CUX2: variants seen among roughly 807,000 people sequenced by gnomAD.
CUX2 encodes the protein cut like homeobox 2.
In CUX2, 40 loss-of-function variants were observed where a neutral mutation model predicts 144.8. The observed-to-expected ratio is 0.28, with a 90% CI of 0.21 to 0.36. CUX2 has a LOEUF of 0.36. Among genes scored for constraint, CUX2 ranks in the 10% least tolerant of loss-of-function variants. CUX2 has a pLI of 1.00. For synonymous variants in CUX2, 827 were observed against 875.6 expected, an observed-to-expected ratio of 0.94 and a Z score of 0.98; for missense variants, 1,615 against 1,994.0, an observed-to-expected ratio of 0.81 and a Z score of 3.62.
chr12:111,070,393 TTTCCTTCCTTCCTTCCTTCC>T (rs143464416), intron 1 of CUX2, among the ~76,000 whole-genome samples: 9,505 of 99,350 alleles, frequency 0.096, 552 homozygotes, highest in Middle Eastern at 0.13. Flanking sequence ...TCCTTCCTTC[TTTCCTTCCTTCCTTCCTTCC>T]TTCCTTCCTT....
Position 111,048,453 on chromosome 12 carries a change from G to A in CUX2, c.63+14213G>A, listed in dbSNP as rs115078501. Among the ~76,000 whole-genome samples the A allele has an allele frequency of 1.9e-3, 293 of 152,334 alleles. 2 individuals are homozygous for A. Among genetic ancestry groups the A allele is most frequent in the African/African-American group, 6.7e-3 (279 of 41,572 alleles). ...TGGTACCCCCAGCAAGGTGGGAGCT[G>A]TGCTTCCTTGGTAAGCGTATGGCTG... is the stretch of plus-strand genomic sequence containing the variant. On this transcript the variant is annotated intron_variant, in intron 1 of 21. Coordinates refer to ENST00000261726, the MANE Select transcript of CUX2 (RefSeq NM_015267.4).
intron 1 of CUX2, among the ~76,000 whole-genome samples, chr12:111,194,146 G>T (rs79513390): frequency 0.024 from 3,606 of 152,232 alleles, 134 homozygotes; most frequent in African/African-American, 0.081. Flanking sequence ...TCTTTGTCTT[G>T]AATCCAGCTC....
chr12:111,324,234 T>C (rs1887669310), intron 18 of CUX2, among the ~76,000 whole-genome samples: 1 of 151,404 alleles, frequency 6.6e-6, no homozygotes, highest in Non-Finnish European at 1.5e-5. Flanking sequence ...CATGTAATCT[T>C]AGCTGCTTAG....
rs771675208 is a variant in CUX2, at chr12:111,291,517, C to T, written c.401C>T (p.Ser134Leu). 6.2e-6 allele frequency: 10 copies of T among 1,611,484 alleles called. No homozygotes were observed. The highest frequency in any genetic ancestry group is 1.6e-4 in the Middle Eastern group (1 of 6,068). Residue 134 changes from serine (S) to leucine (L), a missense_variant, in exon 5 of 22, where the codon TCG (serine) becomes TTG (leucine). Physicochemically the swap from Ser to Leu is moderately radical, Grantham distance 145. Coordinates refer to ENST00000261726, the MANE Select transcript of CUX2 (RefSeq NM_015267.4). ...SGQPRRDLHT[S>L]WKRNPELLSP... ...CAGCCCCGGCGAGACCTCCACACTT[C>T]GTGGAAGAGGAACCCCGAGCTCCTC...
chr12:111,190,789 G>T lies in CUX2; in HGVS notation c.64-23411G>T, dbSNP rs749352825. ...GATCAGTGAAGATCTCTCACTGTTG[G>T]GTCTGCTGCTACCCCAAAGCTGAAT... On this transcript the variant is annotated intron_variant, in intron 1 of 21. Transcript: ENST00000261726. The surrounding 1 kb of genome is among the most constrained non-coding windows in gnomAD (Gnocchi z 4.0). Among the ~76,000 whole-genome samples the T allele has an allele frequency of 6.9e-4, 105 of 151,888 alleles. 1 individual carries two copies. Among genetic ancestry groups the T allele is most frequent in the Non-Finnish European group, 1.3e-3 (86 of 67,896 alleles).
chr12:111,123,811 C>T (rs1395201499), intron 1 of CUX2, among the ~76,000 whole-genome samples: 1 of 152,110 alleles, frequency 6.6e-6, no homozygotes, highest in Non-Finnish European at 1.5e-5. Context: ...GCTGGGATTA[C>T]AGGCGTGAGC....
intron 1 of CUX2, among the ~76,000 whole-genome samples, chr12:111,172,191 T>G (rs1156677896): frequency 6.6e-6 from 1 of 152,184 alleles, no homozygotes; most frequent in East Asian, 1.9e-4. Flanking sequence ...GCATGTGTGT[T>G]TGCCTGTTTT....
intron 1 of CUX2, among the ~76,000 whole-genome samples, chr12:111,081,121 G>T (rs1012411265): frequency 6.6e-6 from 1 of 152,132 alleles, no homozygotes; most frequent in Non-Finnish European, 1.5e-5. Flanking sequence ...CCCTCACCAT[G>T]CTGTCACCGT....
At chr12:111,043,370 G>A (rs1206550391) in intron 1 of CUX2, among the ~76,000 whole-genome samples, 3 of 152,162 alleles carry the variant, frequency 2.0e-5, no homozygotes, top group Admixed American at 6.5e-5. Context: ...AGCATTTGCA[G>A]AGACCCCGAG....
chr12:111,199,982 G>A (rs979228653), intron 1 of CUX2, among the ~76,000 whole-genome samples: 4 of 152,118 alleles, frequency 2.6e-5, no homozygotes, highest in African/African-American at 7.2e-5. Context: ...CCTGCTCTTC[G>A]GTTTTTCACA....
chr12:111,137,372 T>A (rs908290876), intron 1 of CUX2, among the ~76,000 whole-genome samples: 2 of 151,910 alleles, frequency 1.3e-5, no homozygotes, highest in African/African-American at 4.9e-5. Flanking sequence ...TGTTTGTTGA[T>A]GTTGTCGTTG....
At chr12:111,321,427 C>G (rs1396582501) in intron 17 of CUX2, among the ~76,000 whole-genome samples, 4 of 151,942 alleles carry the variant, frequency 2.6e-5, no homozygotes, top group African/African-American at 9.7e-5. Context: ...CAAGATCTCG[C>G]TACTGTGCTC....
At chr12:111,314,963 C>G (rs76036090) in intron 16 of CUX2, among the ~76,000 whole-genome samples, 5 of 152,152 alleles carry the variant, frequency 3.3e-5, no homozygotes, top group Non-Finnish European at 7.3e-5. Flanking sequence ...AACCCCAGGT[C>G]TCTCACCTCT....
chr12:111,159,628 C>T (rs1381460196), intron 1 of CUX2, among the ~76,000 whole-genome samples: 1 of 152,198 alleles, frequency 6.6e-6, no homozygotes, highest in African/African-American at 2.4e-5. Context: ...AACAATGAGT[C>T]TCCTGAACTT....
At chr12:111,284,877 A>G (rs1885296374) in intron 4 of CUX2, among the ~76,000 whole-genome samples, 1 of 152,180 alleles carries the variant, frequency 6.6e-6, no homozygotes, top group Middle Eastern at 3.2e-3. Flanking sequence ...TGTGTCAGCA[A>G]ACAAGACAAA....
chr12:111,040,150 G>T (rs952741807), intron 1 of CUX2, among the ~76,000 whole-genome samples: 3 of 151,932 alleles, frequency 2.0e-5, no homozygotes, highest in African/African-American at 7.3e-5. Context: ...AGCTGGACAT[G>T]GTGGCACCTG....
intron 1 of CUX2, among the ~76,000 whole-genome samples, chr12:111,136,701 A>G (rs1875908759): frequency 6.6e-6 from 1 of 152,138 alleles, no homozygotes; most frequent in African/African-American, 2.4e-5. Context: ...GCTCAGAGAG[A>G]TTTGCCCAAG....
At chr12:111,273,571 T>C (rs1344330681) in intron 4 of CUX2, among the ~76,000 whole-genome samples, 3 of 152,180 alleles carry the variant, frequency 2.0e-5, no homozygotes, top group Non-Finnish European at 4.4e-5. Flanking sequence ...TTGCTGCCAG[T>C]AGATTGAAAA....
intron 4 of CUX2, among the ~76,000 whole-genome samples, chr12:111,264,893 TA>T (rs10708071): frequency 0.35 from 52,426 of 151,916 alleles, 10,460 homozygotes; most frequent in African/African-American, 0.55. Context: ...AAGCCGTAGA[TA>T]AGAGTCGATT....
Sources: allele counts gnomAD v4.1 joint callset (sites outside exome capture counted in the v4.1 genomes callset), GRCh38; gene constraint gnomAD v4.1.1; non-coding constraint Gnocchi (gnomAD v3.1); transcripts MANE v1.5; gene names NCBI Gene and HGNC (gene_info 2026-07-23, HGNC 2026-07-21).